The following PNLIPRP3 variants were observed in gnomAD, a reference collection of about 807,000 sequenced individuals.
The protein encoded by PNLIPRP3 is pancreatic lipase-related protein 3.
In PNLIPRP3, 58 loss-of-function variants were observed where a neutral mutation model predicts 52.8. The ratio of observed to expected loss-of-function variants is 1.10; its 90% CI spans 0.89 to 1.37. PNLIPRP3 has a LOEUF of 1.37. Among genes scored for constraint, PNLIPRP3 ranks in the 40% most tolerant of loss-of-function variants. The probability of loss-of-function intolerance (pLI) is 0.00; values close to 1 mark genes in which losing one functional copy is unlikely to be tolerated. For synonymous variants in PNLIPRP3, 192 were observed against 185.0 expected, an observed-to-expected ratio of 1.04 and a Z score of -0.31; for missense variants, 593 against 561.6, an observed-to-expected ratio of 1.06 and a Z score of -0.57.
intron 10 of PNLIPRP3, among the ~76,000 whole-genome samples, chr10:116,474,993 A>T (rs943622658): frequency 2.0e-5 from 3 of 152,212 alleles, no homozygotes; most frequent in African/African-American, 7.2e-5. Context: ...GCATATGTTC[A>T]TGCAGCACTA....
chr10:116,430,971 A>G (rs1845702024), intron 1 of PNLIPRP3, among the ~76,000 whole-genome samples: 1 of 152,088 alleles, frequency 6.6e-6, no homozygotes, highest in Non-Finnish European at 1.5e-5. Flanking sequence ...CCAAAACTGA[A>G]CTCTCAATAT....
chr10:116,447,742 C>A (rs931067101), intron 4 of PNLIPRP3, among the ~76,000 whole-genome samples: 1 of 152,116 alleles, frequency 6.6e-6, no homozygotes, highest in Non-Finnish European at 1.5e-5. Context: ...TCGAGACCAA[C>A]CTGGTCAGCA....
At chr10:116,446,698 C>T (rs1253912549) in intron 4 of PNLIPRP3, among the ~76,000 whole-genome samples, 2 of 152,154 alleles carry the variant, frequency 1.3e-5, no homozygotes, top group Admixed American at 6.5e-5. Flanking sequence ...CAGTAACAGA[C>T]AAATTTTCTT....
rs756418841 is a variant in PNLIPRP3 at position 116,476,672 on chromosome 10, T to TTAATC, written c.1193_1194insTAATC (p.Met398IlefsTer8). The TTAATC allele has an allele frequency of 1.3e-6, 2 of 1,581,138 alleles. No homozygotes were observed. The highest frequency in any genetic ancestry group is 2.4e-5 in the South Asian group (2 of 84,790). On this transcript the variant is annotated frameshift_variant, in exon 11 of 12. Transcript: ENST00000369230. LOFTEE classifies it high-confidence loss of function. ...TACAGTGGAAAACTTGAGCCAGGCATGACTTACACAAAATTAATCGATGCA... is the reference window on the plus strand; with the variant it reads ...TACAGTGGAAAACTTGAGCCAGGCATTAATCGACTTACACAAAATTAATCGATGCA...
chr10:116,477,683 A>G lies in PNLIPRP3; in HGVS notation c.*530A>G, dbSNP rs1846497967. The G allele has an allele frequency of 6.6e-6, 1 of 152,326 alleles. No individual in the cohort carries two copies. Among genetic ancestry groups the G allele is most frequent in the Non-Finnish European group, 1.5e-5 (1 of 68,160 alleles). The allele number at this position is 152,326 out of a possible 1,614,324, so 9.4% of individuals were successfully genotyped here. The stretch of plus-strand genomic sequence containing the variant: ...TAATAAAAACTAATGAGATGGCACT[A>G]GTATTTCCAAGGTGTTCCTTGGTGT... On this transcript the variant is annotated 3_prime_UTR_variant, in exon 12 of 12. Transcript: ENST00000369230.
At chr10:116,457,764 A>C (rs1360139532) in intron 5 of PNLIPRP3, among the ~76,000 whole-genome samples, 1 of 152,204 alleles carries the variant, frequency 6.6e-6, no homozygotes, top group Non-Finnish European at 1.5e-5. Flanking sequence ...TACAATTCAT[A>C]CTGGGTTATG....
intron 4 of PNLIPRP3, among the ~76,000 whole-genome samples, chr10:116,451,825 A>G (rs904955096): frequency 8.1e-6 from 1 of 123,804 alleles, no homozygotes; most frequent in African/African-American, 2.7e-5. Flanking sequence ...TCATAGCAAC[A>G]CAAGAATGAA....
At position 116,477,196 on chromosome 10, in the gene PNLIPRP3, A is replaced by C; in HGVS notation, c.*43A>C. On this transcript the variant is annotated 3_prime_UTR_variant, in exon 12 of 12. Transcript: ENST00000369230. The stretch of plus-strand genomic sequence containing the variant: ...ATGGATTTCTTTAGTAGGAGCAATG[A>C]AGAAAAGTGTCTCCTTCCACCTGGC... 1 of 1,497,404 alleles carries C rather than the reference A, an allele frequency of 6.7e-7. No homozygotes were observed. Among genetic ancestry groups the C allele is most frequent in the Non-Finnish European group, 9.2e-7 (1 of 1,089,974 alleles). 92.8% of individuals were successfully genotyped at this position (1,497,404 alleles called of 1,614,324 possible). A position where few individuals can be genotyped will look rare whatever the true frequency, so the allele number is the denominator to read the frequency against.
intron 2 of PNLIPRP3, chr10:116,439,933 A>G: frequency 1.1e-6 from 1 of 869,992 alleles, no homozygotes. Flanking sequence ...AAATTCTGCA[A>G]AATTGACAGG....
rs1846185044 is a variant in PNLIPRP3, at chr10:116,461,075, C to G, written c.675C>G (p.Leu225=). The G allele has an allele frequency of 6.2e-7, 1 of 1,614,080 alleles. No individual in the cohort carries two copies. Among genetic ancestry groups the G allele is most frequent in the Non-Finnish European group, 8.5e-7 (1 of 1,180,048 alleles). Residue 225 remains leucine (L), a synonymous_variant, in exon 6 of 12, where the codon CTC becomes CTG. Coordinates refer to ENST00000369230, the MANE Select transcript of PNLIPRP3 (RefSeq NM_001011709.3). ...TTCATACAAATGCAGCTCGCATCCTCTTTGAGCTTGGTAAGTTTTAACAGA... is the reference window on the plus strand; with the variant it reads ...TTCATACAAATGCAGCTCGCATCCTGTTTGAGCTTGGTAAGTTTTAACAGA... ...DVIHTNAARI[L]FELGVGTIDA...
At chr10:116,439,583 A>T in intron 2 of PNLIPRP3, 1 of 809,396 alleles carries the variant, frequency 1.2e-6, no homozygotes, top group Non-Finnish European at 2.1e-6. Flanking sequence ...AGTCAGCAAC[A>T]TCCTTCTCAT....
In PNLIPRP3 at chr10:116,428,056, C is replaced by T; in HGVS notation, c.44C>T (p.Ser15Leu). ...WIVAFLFFGT[S>L]RGKEVCYERL... ...GTTGCATTCTTGTTCTTTGGCACAT[C>T]AAGAGGTAAGATTCATAATTTATAA... is the stretch of plus-strand genomic sequence containing the variant. The change falls in exon 1 of 12, where the codon TCA (serine) becomes TTA (leucine). Residue 15 changes from serine (S) to leucine (L), a missense_variant. Ser to Leu is a moderately radical substitution (Grantham distance 145). Transcript: ENST00000369230. The T allele has an allele frequency of 6.2e-7, 1 of 1,603,588 alleles. No homozygotes were observed. The highest frequency in any genetic ancestry group is 1.1e-5 in the South Asian group (1 of 90,292).
intron 10 of PNLIPRP3, among the ~76,000 whole-genome samples, chr10:116,475,979 G>A (rs1193352058): frequency 6.6e-6 from 1 of 152,150 alleles, no homozygotes; most frequent in Non-Finnish European, 1.5e-5. Context: ...GCTCTTATGG[G>A]TAAGAGATGT....
At chr10:116,446,655 A>C (rs1845956995) in intron 4 of PNLIPRP3, among the ~76,000 whole-genome samples, 1 of 152,176 alleles carries the variant, frequency 6.6e-6, no homozygotes, top group Non-Finnish European at 1.5e-5. Context: ...GGAGACCTGG[A>C]TCCTTCTTTC....
chr10:116,473,881 C>T (rs1163602380), intron 10 of PNLIPRP3, among the ~76,000 whole-genome samples: 1 of 139,800 alleles, frequency 7.2e-6, no homozygotes. Flanking sequence ...TCAATGCTAT[C>T]TATATTAAAC....
At chr10:116,468,079 C>G (rs919221276) in intron 8 of PNLIPRP3, among the ~76,000 whole-genome samples, 2 of 129,132 alleles carry the variant, frequency 1.5e-5, no homozygotes, top group Non-Finnish European at 3.1e-5. Flanking sequence ...GAGCCAAGAT[C>G]GGGCCACTGC....
At chr10:116,470,111 T>C (rs1300398669) in intron 9 of PNLIPRP3, among the ~76,000 whole-genome samples, 1 of 152,166 alleles carries the variant, frequency 6.6e-6, no homozygotes, top group African/African-American at 2.4e-5. Context: ...GCTGTCATTC[T>C]CTGAGCTTGA....
Position 116,436,881 on chromosome 10 carries a change from G to A in PNLIPRP3, c.204+16G>A, listed in dbSNP as rs751203783. On this transcript the variant is annotated intron_variant, in intron 2 of 11. Coordinates refer to ENST00000369230, the MANE Select transcript of PNLIPRP3 (RefSeq NM_001011709.3). The stretch of plus-strand genomic sequence containing the variant: ...TGCCTATCAGGTAAGCTAACTTGCA[G>A]CCTTCACACATGGATTATTCTAAAA... 5.8e-6 allele frequency: 9 copies of A among 1,564,964 alleles called. No homozygotes were observed. In the South Asian group the frequency reaches 8.3e-5, roughly 14 times the overall value.
At chr10:116,443,429 G>A (rs2133120174) in intron 3 of PNLIPRP3, among the ~76,000 whole-genome samples, 1 of 151,742 alleles carries the variant, frequency 6.6e-6, no homozygotes, top group African/African-American at 2.4e-5. Context: ...TAAATGGTAT[G>A]ATCAATTTCT....
Sources: gnomAD v4.1 joint callset for allele counts (sites outside exome capture counted in the v4.1 genomes callset) on GRCh38, gnomAD v4.1.1 for gene constraint, MANE v1.5 for transcripts, NCBI Gene and HGNC (gene_info 2026-07-23, HGNC 2026-07-21) for gene names.